ABR: variants seen among roughly 807,000 people sequenced by gnomAD.
ABR encodes active breakpoint cluster region-related protein.
A neutral mutation model predicts 107.2 loss-of-function variants in ABR; 35 were observed. That is an observed-to-expected ratio of 0.33 (90% CI 0.25 to 0.43). The LOEUF is 0.43. ABR is among the 20% of genes least tolerant of loss of function. ABR has a pLI of 1.00. For synonymous variants in ABR, 498 were observed against 462.0 expected (o/e 1.08, Z -1.00); for missense variants, 815 against 1,115.2 (o/e 0.73, Z 3.83).
rs985913720 is a variant in ABR, at chr17:1,011,989, G to A, written c.1962-4C>T. ...GGGCACCTTGGAGCGCTCCCGCCTG[G>A]GGTGGAGCGTGAGGATGGGTGGAGG... is the stretch of plus-strand genomic sequence containing the variant. On this transcript the variant is annotated splice_region_variant and splice_polypyrimidine_tract_variant and intron_variant, in intron 18 of 22. Coordinates refer to ENST00000302538, the MANE Select transcript of ABR (RefSeq NM_021962.5). This position sits in a 1 kb window ranked among gnomAD's most constrained non-coding sequence, Gnocchi z 4.8. 2 of 1,612,318 alleles carry A rather than the reference G, an allele frequency of 1.2e-6. No individual in the cohort carries two copies. Among genetic ancestry groups the A allele is most frequent in the Non-Finnish European group, 1.7e-6 (2 of 1,178,750 alleles).
At chr17:1,201,925 C>T (rs557489586) in intron 1 of ABR, among the ~76,000 whole-genome samples, 18 of 152,316 alleles carry the variant, frequency 1.2e-4, no homozygotes, top group Middle Eastern at 3.4e-3. Context: ...GATCCGCCCG[C>T]GTCGGCCTCC....
At chr17:1,144,431 C>CA (rs2040443723) in intron 1 of ABR, among the ~76,000 whole-genome samples, 1 of 152,090 alleles carries the variant, frequency 6.6e-6, no homozygotes, top group Non-Finnish European at 1.5e-5. Context: ...CTGGGTCCCG[C>CA]GTCCAGACCT....
At chr17:1,144,327 C>T (rs973593404) in intron 1 of ABR, among the ~76,000 whole-genome samples, 3 of 152,126 alleles carry the variant, frequency 2.0e-5, no homozygotes, top group African/African-American at 4.8e-5. Context: ...GATGCAGGGG[C>T]GGGCACAGAC....
intron 2 of ABR, among the ~76,000 whole-genome samples, chr17:1,106,904 T>C (rs1259016862): frequency 6.6e-6 from 1 of 152,210 alleles, no homozygotes; most frequent in Non-Finnish European, 1.5e-5. Context: ...TGAGGGAAGA[T>C]CACGCCTTGT....
At position 1,004,844 on chromosome 17, in the gene ABR, G is replaced by T; in HGVS notation, c.*1236C>A. The T allele has an allele frequency of 2.5e-6, 1 of 394,562 alleles. No individual in the cohort carries two copies. The highest frequency in any genetic ancestry group is 4.5e-6 in the Non-Finnish European group (1 of 223,738). 24.4% of individuals were successfully genotyped at this position (394,562 alleles called of 1,614,324 possible). On this transcript the variant is annotated 3_prime_UTR_variant, in exon 23 of 23. Coordinates refer to ENST00000302538, the MANE Select transcript of ABR (RefSeq NM_021962.5). ...GCACCACAATGGCTGGCCACCGTGG[G>T]CCTGTGCCTTTGCTTCCCAGGTCCT...
chr17:1,120,309 C>G (rs887169384), intron 2 of ABR, among the ~76,000 whole-genome samples: 11 of 151,962 alleles, frequency 7.2e-5, no homozygotes, highest in African/African-American at 2.7e-4. Context: ...CACTCTGTCC[C>G]CCTGGCTGCT....
At chr17:1,160,146 C>T (rs1314768356) in intron 1 of ABR, among the ~76,000 whole-genome samples, 3 of 152,088 alleles carry the variant, frequency 2.0e-5, no homozygotes. Context: ...TACCTCTCCT[C>T]TCTGGTACAA....
At position 1,011,943 on chromosome 17, in the gene ABR, C is replaced by T; in HGVS notation, c.2004G>A (p.Val668=). The T allele has an allele frequency of 6.2e-7, 1 of 1,613,656 alleles. No homozygotes were observed. Among genetic ancestry groups the T allele is most frequent in the East Asian group, 2.2e-5 (1 of 44,840 alleles). ...CGATACCCCTCTTCTCCACCTCCTC[C>T]ACACACTGCCGGACGATGTAGGGCA... ...SKVPYIVRQC[V]EEVEKRGIEE... The change falls in exon 19 of 23, where the codon GTG becomes GTA. Residue 668 remains valine, a synonymous_variant. Transcript: ENST00000302538. The surrounding 1 kb of genome is among the most constrained non-coding windows in gnomAD (Gnocchi z 4.8).
chr17:1,191,798 G>C (rs1452183105), upstream of ABR, among the ~76,000 whole-genome samples: 1 of 152,138 alleles, frequency 6.6e-6, no homozygotes, highest in Non-Finnish European at 1.5e-5. Flanking sequence ...CCAGGCTGCC[G>C]TCAGGACTCT....
intron 14 of ABR, among the ~76,000 whole-genome samples, chr17:1,052,020 G>C (rs2032598433): frequency 6.6e-6 from 1 of 151,842 alleles, no homozygotes; most frequent in Non-Finnish European, 1.5e-5. Flanking sequence ...GTTGCAGTGA[G>C]CTGAGATGGC....
At chr17:1,021,537 G>A (rs373411339) in intron 16 of ABR, among the ~76,000 whole-genome samples, 1 of 152,266 alleles carries the variant, frequency 6.6e-6, no homozygotes, top group African/African-American at 2.4e-5. Context: ...CAGGTGCGGT[G>A]GCTCACGCCT....
intron 3 of ABR, among the ~76,000 whole-genome samples, chr17:1,099,139 A>G (rs891456284): frequency 2.0e-5 from 3 of 149,754 alleles, no homozygotes; most frequent in Non-Finnish European, 4.4e-5. Context: ...ACAGTGGCGC[A>G]CTCTCAGCTC....
chr17:1,042,344 G>A (rs1345617744), intron 16 of ABR, among the ~76,000 whole-genome samples: 3 of 148,816 alleles, frequency 2.0e-5, no homozygotes, highest in Non-Finnish European at 4.4e-5. Flanking sequence ...ATAAACAGAC[G>A]TGGCACCTAC....
chr17:1,031,892 C>CTCCCCGCGCTCCCCTCCCTCCCTCCG, intron 16 of ABR: 2 of 1,103,062 alleles, frequency 1.8e-6, no homozygotes, highest in Non-Finnish European at 2.3e-6. Context: ...CCCTCCCTCC[C>CTCCCCGCGCTCCCCTCCCTCCCTCCG]TCCGTCCGCG....
chr17:1,141,902 G>A (rs1185774856), intron 1 of ABR, among the ~76,000 whole-genome samples: 1 of 151,956 alleles, frequency 6.6e-6, no homozygotes, highest in African/African-American at 2.4e-5. Context: ...GGGATTACAG[G>A]TGCCCGCCAC....
chr17:1,079,417 G>C, intron 5 of ABR, 27 bp from the exon 6 acceptor site: 8 of 1,602,880 alleles, frequency 5.0e-6, no homozygotes, highest in Non-Finnish European at 6.8e-6. Flanking sequence ...AGGAGTCATG[G>C]CCTGTTCTGT....
At chr17:1,170,369 GC>G (rs1171643347) in intron 1 of ABR, among the ~76,000 whole-genome samples, 1 of 152,164 alleles carries the variant, frequency 6.6e-6, no homozygotes, top group African/African-American at 2.4e-5. Context: ...TTACAGCAGG[GC>G]CAACCGAGCG....
At chr17:1,218,234 T>C (rs776293340) in intron 1 of ABR, among the ~76,000 whole-genome samples, 4 of 152,224 alleles carry the variant, frequency 2.6e-5, no homozygotes, top group Non-Finnish European at 5.9e-5. Context: ...AATAAGCTTA[T>C]AGACAGGTGA....
At position 1,007,184 on chromosome 17, in the gene ABR, G is replaced by A. The variant is rs1290212782; in HGVS notation, c.2471C>T (p.Ser824Phe). Residue 824 changes from serine to phenylalanine, a missense_variant, in exon 22 of 23, where the codon TCC becomes TTC. This residue lies in a region of ABR where 175 missense variants were observed against 284.3 expected (regional missense o/e 0.62). Coordinates refer to ENST00000302538, the MANE Select transcript of ABR (RefSeq NM_021962.5). ...AHLTSAADIW[S>F]HDVMAQVQVL... Reference sequence around the variant, plus strand: ...GGGTACCTGCGCCATGACGTCATGGGACCAGATGTCCGCAGCCGAGGTGAG... The same window carrying A: ...GGGTACCTGCGCCATGACGTCATGGAACCAGATGTCCGCAGCCGAGGTGAG... The A allele has an allele frequency of 6.2e-7, 1 of 1,613,874 alleles. No individual in the cohort carries two copies. Among genetic ancestry groups the A allele is most frequent in the Non-Finnish European group, 8.5e-7 (1 of 1,179,954 alleles).
Sources: gnomAD v4.1 joint callset for allele counts (sites outside exome capture counted in the v4.1 genomes callset) on GRCh38, gnomAD v4.1.1 for gene constraint, gnomAD v4.1.1 regional missense constraint, Gnocchi (gnomAD v3.1) non-coding constraint, MANE v1.5 for transcripts, NCBI Gene and HGNC (gene_info 2026-07-23, HGNC 2026-07-21) for gene names.